Variants in GPC5 observed in about 807,000 individuals in gnomAD.
GPC5 encodes glypican-5.
GPC5 carries 47 observed loss-of-function variants against 53.9 expected under a neutral mutation model. The observed-to-expected ratio is 0.87, with a 90% CI of 0.69 to 1.11. The LOEUF is 1.11. GPC5 is among the 50% of genes most tolerant of loss of function. The pLI is 0.00. For missense variants in GPC5, 748 were observed against 713.1 expected, an observed-to-expected ratio of 1.05 and a Z score of -0.56; for synonymous variants, 286 against 263.3, an observed-to-expected ratio of 1.09 and a Z score of -0.84.
intron 6 of GPC5, among the ~76,000 whole-genome samples, chr13:92,018,779 A>G (rs551051649): frequency 1.3e-5 from 2 of 152,240 alleles, no homozygotes; most frequent in East Asian, 3.9e-4. Context: ...CTAAGAATTC[A>G]GGATATTTTT....
rs180997288 is a variant in GPC5, at chr13:91,581,507, A to T, written c.326-111680A>T. The stretch of plus-strand genomic sequence containing the variant: ...TGCCTGCTTTCATTATATGGCTGGT[A>T]CTGCCTTCTGGTTTCTTCTCCAGTG... On this transcript the variant is annotated intron_variant, in intron 2 of 7. Coordinates refer to ENST00000377067, the MANE Select transcript of GPC5 (RefSeq NM_004466.6). 1.7e-3 allele frequency among the ~76,000 whole-genome samples: 256 copies of T among 152,256 alleles called. 1 individual carries two copies. The highest frequency in any genetic ancestry group is 5.8e-3 in the African/African-American group (243 of 41,548).
intron 2 of GPC5, among the ~76,000 whole-genome samples, chr13:91,507,275 T>C (rs943402835): frequency 1.3e-5 from 2 of 152,034 alleles, no homozygotes; most frequent in Non-Finnish European, 2.9e-5. Context: ...CTCTCTGGGG[T>C]CTCTTTTATA....
intron 2 of GPC5, among the ~76,000 whole-genome samples, chr13:91,633,519 CAT>C (rs1012551660): frequency 6.6e-6 from 1 of 152,062 alleles, no homozygotes; most frequent in African/African-American, 2.4e-5. Context: ...TGGTGAGAAA[CAT>C]ATGTGATTTT....
At chr13:92,729,226 G>A (rs902373242) in intron 7 of GPC5, among the ~76,000 whole-genome samples, 2 of 151,266 alleles carry the variant, frequency 1.3e-5, no homozygotes, top group African/African-American at 2.4e-5. Flanking sequence ...CTAAGATGAT[G>A]TAAGGGCATG....
chr13:92,261,202 C>A (rs1195075881), intron 7 of GPC5, among the ~76,000 whole-genome samples: 1 of 152,082 alleles, frequency 6.6e-6, no homozygotes, highest in Admixed American at 6.6e-5. Context: ...CAACTGAACA[C>A]TAGTTACCAA....
intron 3 of GPC5, among the ~76,000 whole-genome samples, chr13:91,703,985 ATTTC>A (rs1027239567): frequency 2.6e-5 from 4 of 152,066 alleles, no homozygotes; most frequent in South Asian, 2.1e-4. Context: ...TTATCTGTAT[ATTTC>A]TTTAAGGTCC....
At chr13:92,839,485 G>A (rs1480397467) in intron 7 of GPC5, among the ~76,000 whole-genome samples, 1 of 152,036 alleles carries the variant, frequency 6.6e-6, no homozygotes, top group Non-Finnish European at 1.5e-5. Flanking sequence ...CCCAATGTGT[G>A]TTGTTCCCCT....
At chr13:91,515,282 T>C (rs1885436870) in intron 2 of GPC5, among the ~76,000 whole-genome samples, 3 of 152,148 alleles carry the variant, frequency 2.0e-5, no homozygotes, top group Admixed American at 6.6e-5. Context: ...TTTAAAGCAA[T>C]TGAGATTAAC....
At chr13:92,556,856 T>A (rs1285302307) in intron 7 of GPC5, among the ~76,000 whole-genome samples, 1 of 151,920 alleles carries the variant, frequency 6.6e-6, no homozygotes, top group East Asian at 1.9e-4. Context: ...TTCTGCTCTT[T>A]TGAATGTGCT....
intron 7 of GPC5, among the ~76,000 whole-genome samples, chr13:92,544,982 A>G (rs1216741749): frequency 2.6e-5 from 4 of 151,916 alleles, no homozygotes; most frequent in Admixed American, 1.3e-4. Context: ...GGTTTGTTAC[A>G]TATGTATACA....
chr13:92,361,715 G>A (rs1023047583), intron 7 of GPC5, among the ~76,000 whole-genome samples: 2 of 151,660 alleles, frequency 1.3e-5, no homozygotes, highest in Non-Finnish European at 2.9e-5. Flanking sequence ...GACTGCCTGA[G>A]AAGAAAGAGG....
At chr13:92,234,189 G>A (rs2042552475) in intron 7 of GPC5, among the ~76,000 whole-genome samples, 9 of 152,100 alleles carry the variant, frequency 5.9e-5, no homozygotes, top group Admixed American at 4.6e-4. Context: ...TGAGATTGCT[G>A]GGACAAATGG....
At chr13:91,414,112 C>G (rs920810558) in intron 1 of GPC5, among the ~76,000 whole-genome samples, 2 of 152,280 alleles carry the variant, frequency 1.3e-5, no homozygotes, top group South Asian at 4.1e-4. Flanking sequence ...TTGGCTGTGT[C>G]CCCACTCAAA....
intron 5 of GPC5, among the ~76,000 whole-genome samples, chr13:91,882,801 C>A (rs533283423): frequency 5.3e-4 from 77 of 145,736 alleles, no homozygotes; most frequent in African/African-American, 1.9e-3. Context: ...CTTATAGTTT[C>A]TTTATAAATA....
chr13:91,972,030 T>C (rs1027282960), intron 6 of GPC5, among the ~76,000 whole-genome samples: 40 of 152,206 alleles, frequency 2.6e-4, no homozygotes, highest in Non-Finnish European at 4.4e-4. Context: ...TTATTAACTT[T>C]CTGTGTCGTT....
At chr13:92,550,442 G>A (rs986674428) in intron 7 of GPC5, among the ~76,000 whole-genome samples, 2 of 151,718 alleles carry the variant, frequency 1.3e-5, no homozygotes, top group African/African-American at 4.8e-5. Flanking sequence ...TATGAAGTGA[G>A]GGTGAGACTA....
chr13:92,252,189 T>A (rs1158506158), intron 7 of GPC5, among the ~76,000 whole-genome samples: 1 of 152,092 alleles, frequency 6.6e-6, no homozygotes, highest in Non-Finnish European at 1.5e-5. Flanking sequence ...TGTACTTTTT[T>A]TAAAGAGAAT....
chr13:92,823,554 G>A (rs1594530633), intron 7 of GPC5, among the ~76,000 whole-genome samples: 1 of 151,994 alleles, frequency 6.6e-6, no homozygotes, highest in East Asian at 1.9e-4. Context: ...ATTAATGACC[G>A]ATTAACAATG....
At chr13:91,408,215 C>A (rs1405241976) in intron 1 of GPC5, among the ~76,000 whole-genome samples, 5 of 152,100 alleles carry the variant, frequency 3.3e-5, no homozygotes, top group Non-Finnish European at 7.4e-5. Context: ...ACTCTTCCTC[C>A]TCCCCAACAG....
Sources: gnomAD v4.1 joint callset for allele counts (sites outside exome capture counted in the v4.1 genomes callset) on GRCh38, gnomAD v4.1.1 for gene constraint, MANE v1.5 for transcripts, NCBI Gene and HGNC (gene_info 2026-07-23, HGNC 2026-07-21) for gene names.